FGF14: variants seen among roughly 807,000 people sequenced by gnomAD.
FGF14 encodes fibroblast growth factor homologous factor 4.
FGF14 carries 5 observed loss-of-function variants against 25.5 expected under a neutral mutation model. The observed-to-expected ratio is 0.20, with a 90% CI of 0.10 to 0.41. The LOEUF (loss-of-function observed/expected upper bound fraction) is 0.41. FGF14 is among the 10% of genes least tolerant of loss of function. The probability of loss-of-function intolerance (pLI) is 1.00; values close to 1 mark genes in which losing one functional copy is unlikely to be tolerated. For missense variants in FGF14, 222 were observed against 320.1 expected (o/e 0.69, Z 2.34); for synonymous variants, 138 against 118.3 (o/e 1.17, Z -1.08).
intron 1 of FGF14, among the ~76,000 whole-genome samples, chr13:102,094,455 G>A (rs9518625): frequency 0.39 from 58,430 of 151,708 alleles, 13,293 homozygotes; most frequent in Non-Finnish European, 0.51. Context: ...GAAAAAATGG[G>A]TATCTACCTG....
chr13:101,966,472 GT>G (rs199927770), intron 1 of FGF14, among the ~76,000 whole-genome samples: 2 of 151,466 alleles, frequency 1.3e-5, no homozygotes, highest in Non-Finnish European at 2.9e-5. Context: ...AAATCTTGTG[GT>G]TTTTTTTGTT....
At chr13:102,365,951 G>C (rs1298662162) in intron 1 of FGF14, among the ~76,000 whole-genome samples, 3 of 152,046 alleles carry the variant, frequency 2.0e-5, no homozygotes, top group Non-Finnish European at 4.4e-5. Context: ...TCTAAACAAT[G>C]TTCTCTCCAC....
At chr13:101,999,766 G>C (rs1195225815) in intron 1 of FGF14, among the ~76,000 whole-genome samples, 2 of 152,058 alleles carry the variant, frequency 1.3e-5, no homozygotes, top group Non-Finnish European at 2.9e-5. Context: ...GTGAGGTAAT[G>C]GATCCCATCA....
intron 1 of FGF14, among the ~76,000 whole-genome samples, chr13:101,922,897 A>G (rs1291704386): frequency 6.6e-6 from 1 of 151,876 alleles, no homozygotes; most frequent in African/African-American, 2.4e-5. Context: ...GTACATTGAT[A>G]TATATATTAA....
chr13:101,950,595 C>G (rs1248554935), intron 1 of FGF14, among the ~76,000 whole-genome samples: 1 of 152,156 alleles, frequency 6.6e-6, no homozygotes, highest in East Asian at 1.9e-4. Context: ...TGAAACCAGC[C>G]TCTCAAAGAT....
chr13:101,907,193 C>T (rs2032351750), intron 1 of FGF14, among the ~76,000 whole-genome samples: 1 of 152,104 alleles, frequency 6.6e-6, no homozygotes, highest in Non-Finnish European at 1.5e-5. Flanking sequence ...AACACAAATA[C>T]ATGTGATGAA....
chr13:102,274,507 T>C (rs1227769101), intron 1 of FGF14, among the ~76,000 whole-genome samples: 1 of 152,194 alleles, frequency 6.6e-6, no homozygotes, highest in African/African-American at 2.4e-5. Context: ...CTTTGGATTT[T>C]GAATGCTGTG....
rs550869791 is a variant in FGF14 at position 101,950,383 on chromosome 13, A to G, written c.209-75087T>C. ...TATCCTTAACTCAGGACCTCCATGG[A>G]CAGCTATACATGATTGTGTTGATTT... On this transcript the variant is annotated intron_variant, in intron 1 of 4. Transcript: ENST00000376131. Among the ~76,000 whole-genome samples, 5 of 152,336 alleles carry G rather than the reference A, an allele frequency of 3.3e-5. No individual in the cohort carries two copies. In the South Asian group the frequency reaches 1.0e-3, roughly 32 times the overall value.
intron 1 of FGF14, among the ~76,000 whole-genome samples, chr13:102,018,359 C>T (rs1396193981): frequency 6.6e-6 from 1 of 152,070 alleles, no homozygotes; most frequent in Non-Finnish European, 1.5e-5. Context: ...TGTGAGTTTT[C>T]TTTTTTCTCA....
chr13:101,723,721 C>G (rs1200546788), intron 4 of FGF14, among the ~76,000 whole-genome samples: 2 of 151,970 alleles, frequency 1.3e-5, no homozygotes, highest in African/African-American at 4.8e-5. Context: ...GAGGATTTAT[C>G]TAAATAGTGT....
At chr13:101,953,020 G>C (rs2036272236) in intron 1 of FGF14, among the ~76,000 whole-genome samples, 1 of 145,626 alleles carries the variant, frequency 6.9e-6, no homozygotes, top group Non-Finnish European at 1.5e-5. Context: ...GGTGACAAGA[G>C]TGAGACTCCA....
At chr13:102,334,228 A>C (rs2056722270) in intron 1 of FGF14, among the ~76,000 whole-genome samples, 1 of 152,124 alleles carries the variant, frequency 6.6e-6, no homozygotes, top group Non-Finnish European at 1.5e-5. Context: ...TTTTAAGTTT[A>C]TTTCCCTAGG....
chr13:102,146,843 A>T (rs2140482299), intron 1 of FGF14, among the ~76,000 whole-genome samples: 1 of 152,292 alleles, frequency 6.6e-6, no homozygotes, highest in East Asian at 1.9e-4. Context: ...AATGAGAACG[A>T]ATTGTATGAA....
chr13:102,341,813 G>T (rs2056960990), intron 1 of FGF14, among the ~76,000 whole-genome samples: 1 of 152,148 alleles, frequency 6.6e-6, no homozygotes, highest in African/African-American at 2.4e-5. Flanking sequence ...CCAGATAGGT[G>T]CCCTGGAGAG....
intron 1 of FGF14, among the ~76,000 whole-genome samples, chr13:102,248,324 T>C (rs1249580199): frequency 3.3e-5 from 5 of 152,154 alleles, no homozygotes; most frequent in Non-Finnish European, 7.3e-5. Flanking sequence ...GTAGAAAATA[T>C]TGTCCCTTTC....
At chr13:102,374,653 T>C (rs2057988828) in intron 1 of FGF14, among the ~76,000 whole-genome samples, 2 of 36,112 alleles carry the variant, frequency 5.5e-5, no homozygotes, top group South Asian at 8.7e-4. Flanking sequence ...TTTATATATA[T>C]ATATATATAT....
At chr13:101,894,613 T>C (rs1005015251) in intron 1 of FGF14, among the ~76,000 whole-genome samples, 2 of 152,208 alleles carry the variant, frequency 1.3e-5, no homozygotes, top group African/African-American at 4.8e-5. Flanking sequence ...CATGTTATAT[T>C]GCTTAACATA....
In FGF14 at chr13:102,162,702, A is replaced by G. The variant is rs115092592; in HGVS notation, c.208+238769T>C. Among the ~76,000 whole-genome samples, 863 of 152,328 alleles carry G rather than the reference A, an allele frequency of 5.7e-3. 10 individuals are homozygous for G. The highest frequency in any genetic ancestry group is 0.019 in the African/African-American group (776 of 41,588). ...GAGTGAAATTTGGTTTATAAATGGA[A>G]TAATAGAGACAGTAAGCTACACAAG... is the stretch of plus-strand genomic sequence containing the variant. On this transcript the variant is annotated intron_variant, in intron 1 of 4. Transcript: ENST00000376131.
In FGF14 at chr13:101,916,599, G is replaced by A; in HGVS notation, c.47C>T (p.Ala16Val). 1.9e-6 allele frequency: 3 copies of A among 1,591,806 alleles called. No individual in the cohort carries two copies. The highest frequency in any genetic ancestry group is 1.7e-6 in the Non-Finnish European group (2 of 1,169,618). The change falls in exon 1 of 5, where the codon GCG (alanine) becomes GTG (valine). Residue 16 changes from alanine (A) to valine (V), a missense_variant. Ala to Val is a moderately conservative substitution (Grantham distance 64). Transcript: ENST00000376143. ...CGGCCGGTCCCAGTGCTGCTCCCGC[G>A]CCTGCCGCTTCTGGCGGATCAAGCC... ...ASGLIRQKRQ[A>V]REQHWDRPSA... is the part of the protein sequence containing the mutation.
Sources: allele counts gnomAD v4.1 joint callset (sites outside exome capture counted in the v4.1 genomes callset), GRCh38; gene constraint gnomAD v4.1.1; transcripts MANE v1.5; gene names NCBI Gene and HGNC (gene_info 2026-07-23, HGNC 2026-07-21).